EPHA3: variants seen among roughly 807,000 people sequenced by gnomAD.
EPHA3 encodes ephrin type-A receptor 3.
In EPHA3, 42 loss-of-function variants were observed where a neutral mutation model predicts 107.1. The ratio of observed to expected loss-of-function variants is 0.39; its 90% CI spans 0.31 to 0.51. The LOEUF (loss-of-function observed/expected upper bound fraction) is 0.51, where lower values mean the gene tolerates loss of function less well. Among genes scored for constraint, EPHA3 ranks in the 20% least tolerant of loss-of-function variants. The pLI is 0.78. For synonymous variants in EPHA3, 461 were observed against 424.8 expected (o/e 1.09, Z -1.05); for missense variants, 1,183 against 1,211.2 (o/e 0.98, Z 0.35).
At position 89,107,884 on chromosome 3, in the gene EPHA3, G is replaced by T. The variant is rs199980945; in HGVS notation, c.88+48G>T. ...CGGAGCTCTGCCCCGCGGGGCTCAC[G>T]CTCTTCAAAGCACGTTCTCACCGAA... On this transcript the variant is annotated intron_variant, in intron 1 of 16. Transcript: ENST00000336596. 23 of 1,554,470 alleles carry T rather than the reference G, an allele frequency of 1.5e-5. No homozygotes were observed. The East Asian group carries it at 4.9e-4, about 33-fold the overall frequency.
At chr3:89,461,078 T>A (rs1710228827) in intron 15 of EPHA3, among the ~76,000 whole-genome samples, 1 of 103,976 alleles carries the variant, frequency 9.6e-6, no homozygotes, top group Non-Finnish European at 1.9e-5. Flanking sequence ...TATGCGGTGT[T>A]TGGTTTTTTA....
At position 89,393,778 on chromosome 3, in the gene EPHA3, TA is replaced by T. The variant is rs555335318; in HGVS notation, c.1307-2056del. On this transcript the variant is annotated intron_variant, in intron 5 of 16. Transcript: ENST00000336596. ...TTCTAAGTATTAAAGTAAGCAAAAA[TA>T]AATTTTTTTTTAAAAAATCCACATA... Among the ~76,000 whole-genome samples, 517 of 131,388 alleles carry T rather than the reference TA, an allele frequency of 3.9e-3. 3 individuals are homozygous for T. Among genetic ancestry groups the T allele is most frequent in the African/African-American group, 0.013 (501 of 40,046 alleles). The allele number at this position is 131,388 out of a possible 152,430, so 86.2% of individuals were successfully genotyped here.
intron 13 of EPHA3, among the ~76,000 whole-genome samples, chr3:89,440,387 A>T (rs934825411): frequency 1.2e-4 from 18 of 152,188 alleles, no homozygotes; most frequent in African/African-American, 4.3e-4. Context: ...AATTATAACC[A>T]GCAAACCTTT....
chr3:89,114,625 G>A (rs1000378889), intron 1 of EPHA3, among the ~76,000 whole-genome samples: 2 of 152,202 alleles, frequency 1.3e-5, no homozygotes, highest in Non-Finnish European at 2.9e-5. Context: ...AGGGTGGGTG[G>A]GCGAGCGCAG....
chr3:89,273,017 A>C (rs192705316), intron 3 of EPHA3, among the ~76,000 whole-genome samples: 122 of 152,070 alleles, frequency 8.0e-4, no homozygotes, highest in African/African-American at 2.5e-3. Flanking sequence ...AAGGAAGTGA[A>C]TATTTTTCTT....
chr3:89,414,007 C>G lies in EPHA3; in HGVS notation c.1888+741C>G, dbSNP rs575160493. Among the ~76,000 whole-genome samples, 3 of 151,722 alleles carry G rather than the reference C, an allele frequency of 2.0e-5. No individual in the cohort carries two copies. The South Asian group carries it at 6.2e-4, about 31-fold the overall frequency. On this transcript the variant is annotated intron_variant, in intron 10 of 16. Coordinates refer to ENST00000336596, the MANE Select transcript of EPHA3 (RefSeq NM_005233.6). ...TATTCAAAAGTAAAAATGAACCATG[C>G]TCAACAATAAAAAATTTTGTACCAT...
chr3:89,249,737 A>G (rs957857919), intron 3 of EPHA3, among the ~76,000 whole-genome samples: 4 of 152,222 alleles, frequency 2.6e-5, no homozygotes, highest in South Asian at 4.1e-4. Context: ...CTGGGATTAC[A>G]GGCAGTTGTA....
At chr3:89,355,871 T>G (rs565619956) in intron 5 of EPHA3, among the ~76,000 whole-genome samples, 1 of 150,314 alleles carries the variant, frequency 6.7e-6, no homozygotes, top group East Asian at 1.9e-4. Context: ...TTAGGGTACA[T>G]GTGAACAATG....
At chr3:89,384,962 C>A (rs1365731255) in intron 5 of EPHA3, among the ~76,000 whole-genome samples, 1 of 152,068 alleles carries the variant, frequency 6.6e-6, no homozygotes, top group Non-Finnish European at 1.5e-5. Flanking sequence ...TGTAGAACAT[C>A]CCAGAAAAGA....
chr3:89,311,165 T>A (rs1706756138), intron 3 of EPHA3, among the ~76,000 whole-genome samples: 1 of 152,052 alleles, frequency 6.6e-6, no homozygotes, highest in Admixed American at 6.6e-5. Flanking sequence ...AGTGTATACA[T>A]ATATGATGCC....
intron 3 of EPHA3, among the ~76,000 whole-genome samples, chr3:89,328,509 A>G (rs1291795224): frequency 6.6e-6 from 1 of 152,150 alleles, no homozygotes; most frequent in Non-Finnish European, 1.5e-5. Context: ...AGATGTCTCT[A>G]TCTTCATAGT....
At chr3:89,454,397 A>G (rs2107559670) in intron 15 of EPHA3, among the ~76,000 whole-genome samples, 1 of 152,238 alleles carries the variant, frequency 6.6e-6, no homozygotes, top group South Asian at 2.1e-4. Flanking sequence ...CAGGAATTAG[A>G]GCAACTCTTG....
At chr3:89,391,792 T>C (rs1576354195) in intron 5 of EPHA3, among the ~76,000 whole-genome samples, 1 of 152,170 alleles carries the variant, frequency 6.6e-6, no homozygotes, top group Non-Finnish European at 1.5e-5. Flanking sequence ...CTTTACAAAG[T>C]ATATTATGTC....
In EPHA3 at chr3:89,459,576, C is replaced by T. The variant is rs570649361; in HGVS notation, c.2690+9206C>T. 2.1e-4 allele frequency among the ~76,000 whole-genome samples: 32 copies of T among 151,612 alleles called. No individual in the cohort carries two copies. The South Asian group carries it at 5.6e-3, about 27-fold the overall frequency. On this transcript the variant is annotated intron_variant, in intron 15 of 16. Transcript: ENST00000336596. ...TTTCTTGACAGTGTTTCACTCTTGT[C>T]GCCCGGGCTGGCATGCAATGGTGCC...
chr3:89,472,847 G>A (rs1710435189), intron 16 of EPHA3, among the ~76,000 whole-genome samples: 1 of 152,106 alleles, frequency 6.6e-6, no homozygotes, highest in Non-Finnish European at 1.5e-5. Context: ...ATAGGGCCCA[G>A]GATCGGTGTC....
chr3:89,233,551 C>A (rs751192158), intron 3 of EPHA3, among the ~76,000 whole-genome samples: 14 of 152,184 alleles, frequency 9.2e-5, no homozygotes, highest in Non-Finnish European at 1.8e-4. Flanking sequence ...AAGAACTTTG[C>A]ACCGGCTGTT....
intron 3 of EPHA3, among the ~76,000 whole-genome samples, chr3:89,213,887 C>A (rs1704165226): frequency 6.6e-6 from 1 of 151,930 alleles, no homozygotes; most frequent in African/African-American, 2.4e-5. Flanking sequence ...TGACAGCTGT[C>A]TATTTCCTCT....
intron 3 of EPHA3, among the ~76,000 whole-genome samples, chr3:89,222,326 C>CAT (rs34438291): frequency 0.027 from 3,791 of 138,396 alleles, 45 homozygotes; most frequent in East Asian, 0.099. Context: ...AATACATATA[C>CAT]ATATATATAT....
At chr3:89,446,731 C>A (rs1424504253) in intron 13 of EPHA3, among the ~76,000 whole-genome samples, 3 of 151,190 alleles carry the variant, frequency 2.0e-5, no homozygotes, top group African/African-American at 7.3e-5. Flanking sequence ...TTTAAGTACA[C>A]TTCACAATTT....
Sources: allele counts gnomAD v4.1 joint callset (sites outside exome capture counted in the v4.1 genomes callset), GRCh38; gene constraint gnomAD v4.1.1; transcripts MANE v1.5; gene names NCBI Gene and HGNC (gene_info 2026-07-23, HGNC 2026-07-21).